The following ATP11A variants were observed in gnomAD, a reference collection of about 807,000 sequenced individuals.
ATP11A encodes the protein phospholipid-transporting ATPase IH.
Under a neutral mutation model 154.4 loss-of-function variants are expected in ATP11A, and 81 were observed. The ratio of observed to expected loss-of-function variants is 0.52; its 90% CI spans 0.44 to 0.63. The LOEUF is 0.63. Ranked by LOEUF, ATP11A falls within the 30% of genes least tolerant of loss-of-function variation. The pLI, the probability that ATP11A is intolerant of heterozygous loss-of-function variation, is 0.00. For synonymous variants in ATP11A, 623 were observed against 585.9 expected (o/e 1.06, Z -0.91); for missense variants, 1,316 against 1,474.3 (o/e 0.89, Z 1.76).
intron 8 of ATP11A, among the ~76,000 whole-genome samples, chr13:112,820,570 C>T (rs1043156512): frequency 6.6e-6 from 1 of 152,200 alleles, no homozygotes; most frequent in Non-Finnish European, 1.5e-5. Context: ...TCTATGGCCC[C>T]GAGGCAGCCT....
chr13:112,844,703 G>A (rs1315078674), intron 17 of ATP11A, among the ~76,000 whole-genome samples: 2 of 148,674 alleles, frequency 1.3e-5, no homozygotes, highest in South Asian at 2.1e-4. Context: ...GAGCACTAGC[G>A]GTACTAGTTC....
At chr13:112,703,117 A>G (rs555531127) in intron 1 of ATP11A, among the ~76,000 whole-genome samples, 75 of 152,248 alleles carry the variant, frequency 4.9e-4, no homozygotes, top group Non-Finnish European at 9.3e-4. Flanking sequence ...GCTGTTACAG[A>G]ATACTGCAGG....
intron 1 of ATP11A, among the ~76,000 whole-genome samples, chr13:112,694,053 C>T (rs1033915125): frequency 1.3e-5 from 2 of 152,158 alleles, no homozygotes; most frequent in Admixed American, 6.5e-5. Context: ...GTTTAAGTTC[C>T]GAGAGGAACC....
chr13:112,881,893 C>CA lies in ATP11A; in HGVS notation c.*28dup. 1.5e-6 allele frequency: 2 copies of CA among 1,367,808 alleles called. No individual in the cohort carries two copies. The highest frequency in any genetic ancestry group is 2.3e-5 in the South Asian group (2 of 88,052). 84.7% of individuals were successfully genotyped at this position (1,367,808 alleles called of 1,614,324 possible). A position where few individuals can be genotyped will look rare whatever the true frequency, so the allele number is the denominator to read the frequency against. On this transcript the variant is annotated 3_prime_UTR_variant, in exon 30 of 30. Coordinates refer to ENST00000375645, the MANE Select transcript of ATP11A (RefSeq NM_015205.3). ...CTCTGCAGAGCCCAGGCTACCAGAGCACCTGTCCCTCGGCCGCCTGGTACA... is the reference window on the plus strand; with the variant it reads ...CTCTGCAGAGCCCAGGCTACCAGAGCAACCTGTCCCTCGGCCGCCTGGTACA...
chr13:112,836,834 T>G (rs2117190), intron 16 of ATP11A, among the ~76,000 whole-genome samples: 55,867 of 152,056 alleles, frequency 0.37, 11,650 homozygotes, highest in African/African-American at 0.56. Context: ...ACCCACACGG[T>G]TGGGCACTCT....
At position 112,838,634 on chromosome 13, in the gene ATP11A, A is replaced by C. The variant is rs531010219; in HGVS notation, c.1705+2383A>C. On this transcript the variant is annotated intron_variant, in intron 16 of 29. Coordinates refer to ENST00000375645, the MANE Select transcript of ATP11A (RefSeq NM_015205.3). This position sits in a 1 kb window ranked among gnomAD's most constrained non-coding sequence, Gnocchi z 7.3. The stretch of plus-strand genomic sequence containing the variant: ...ATCTTTGTAAATAACTTCTGTTACT[A>C]TCAAAAGGCTGAAGAGCCGCTGGAT... Among the ~76,000 whole-genome samples the C allele has an allele frequency of 8.2e-4, 125 of 152,332 alleles. 1 individual carries two copies. Among genetic ancestry groups the C allele is most frequent in the African/African-American group, 2.6e-3 (110 of 41,574 alleles).
intron 1 of ATP11A, among the ~76,000 whole-genome samples, chr13:112,695,211 C>T (rs1031042990): frequency 6.6e-6 from 1 of 152,192 alleles, no homozygotes; most frequent in Non-Finnish European, 1.5e-5. Context: ...CTTTAGCTGC[C>T]AAGGTCTTCA....
chr13:112,855,212 G>C (rs748711345), intron 19 of ATP11A, among the ~76,000 whole-genome samples: 7 of 152,070 alleles, frequency 4.6e-5, no homozygotes, highest in Non-Finnish European at 1.0e-4. Context: ...GTTGTTTTTT[G>C]TTTTTTGTTT....
Position 112,834,580 on chromosome 13 carries a change from T to C in ATP11A, c.1560-9T>C. On this transcript the variant is annotated splice_polypyrimidine_tract_variant and intron_variant, in intron 14 of 29. Transcript: ENST00000375645. ...CAGATTCACCCCGAGGTTTCCCTTCTCATTGCAGACTTGGCTTTACCTACC... is the reference window on the plus strand; with the variant it reads ...CAGATTCACCCCGAGGTTTCCCTTCCCATTGCAGACTTGGCTTTACCTACC... The C allele has an allele frequency of 6.2e-7, 1 of 1,606,228 alleles. No homozygotes were observed. Among genetic ancestry groups the C allele is most frequent in the Non-Finnish European group, 8.5e-7 (1 of 1,172,884 alleles).
Position 112,785,777 on chromosome 13 carries a change from G to A in ATP11A, c.162+520G>A, listed in dbSNP as rs969817938. Among the ~76,000 whole-genome samples the A allele has an allele frequency of 6.6e-5, 10 of 152,206 alleles. No individual in the cohort carries two copies. The highest frequency in any genetic ancestry group is 2.2e-4 in the African/African-American group (9 of 41,460). The stretch of plus-strand genomic sequence containing the variant: ...CAGAGTGCCGCGGTCTAAACGAAGC[G>A]TGTTTCTCTCCATGGACTAGAGCGT... On this transcript the variant is annotated intron_variant, in intron 2 of 29. Transcript: ENST00000375645. This position sits in a 1 kb window ranked among gnomAD's most constrained non-coding sequence, Gnocchi z 4.8.
chr13:112,774,748 CAG>C (rs2077305686), intron 1 of ATP11A, among the ~76,000 whole-genome samples: 1 of 152,252 alleles, frequency 6.6e-6, no homozygotes, highest in Non-Finnish European at 1.5e-5. Context: ...GTCACAGTCT[CAG>C]AGTGTGAGAG....
chr13:112,870,987 C>G (rs1304978192), intron 25 of ATP11A, among the ~76,000 whole-genome samples: 1 of 152,236 alleles, frequency 6.6e-6, no homozygotes, highest in East Asian at 1.9e-4. Context: ...CTTCCCTCCT[C>G]CACGGCCACC....
chr13:112,864,259 T>A (rs1490098072), intron 25 of ATP11A, among the ~76,000 whole-genome samples: 1 of 105,000 alleles, frequency 9.5e-6, no homozygotes, highest in African/African-American at 3.6e-5. Flanking sequence ...CCCAGCGGGG[T>A]CCATCACCAC....
intron 4 of ATP11A, among the ~76,000 whole-genome samples, chr13:112,806,969 A>G (rs1371953177): frequency 1.3e-5 from 2 of 152,226 alleles, no homozygotes; most frequent in Non-Finnish European, 2.9e-5. Context: ...TCAGCGCTTC[A>G]TTCCGTCTGA....
intron 1 of ATP11A, among the ~76,000 whole-genome samples, chr13:112,767,559 T>C (rs1232530596): frequency 2.6e-5 from 4 of 151,522 alleles, no homozygotes; most frequent in East Asian, 1.9e-4. Flanking sequence ...GGGGTGCTGT[T>C]GGGAGCCTGG....
intron 29 of ATP11A, among the ~76,000 whole-genome samples, chr13:112,879,768 C>T (rs759642421): frequency 3.9e-5 from 6 of 152,266 alleles, no homozygotes; most frequent in Middle Eastern, 3.2e-3. Flanking sequence ...GAGGAATAAA[C>T]GTGTCACTAG....
chr13:112,803,272 G>T (rs1288581160), intron 2 of ATP11A, among the ~76,000 whole-genome samples: 1 of 152,198 alleles, frequency 6.6e-6, no homozygotes, highest in East Asian at 1.9e-4. Context: ...GAACATGTTG[G>T]TTAGTTTAGG....
At position 112,819,478 on chromosome 13, in the gene ATP11A, C is replaced by G. The variant is rs1345619606; in HGVS notation, c.674+71C>G. ...CAACATTGCTCTTGCTTTTTCACCC[C>G]AAGTAGTCCAGCCATGTGGTGGTTT... On this transcript the variant is annotated intron_variant, in intron 7 of 29. Transcript: ENST00000375645. The G allele has an allele frequency of 1.4e-5, 19 of 1,314,764 alleles. No homozygotes were observed. In the East Asian group the frequency reaches 4.0e-4, roughly 28 times the overall value. 81.4% of individuals were successfully genotyped at this position (1,314,764 alleles called of 1,614,324 possible). A position where few individuals can be genotyped will look rare whatever the true frequency, so the allele number is the denominator to read the frequency against.
rs572937358 is a variant in ATP11A, at chr13:112,831,697, G to A, written c.1395+149G>A. 156 of 902,492 alleles carry A rather than the reference G, an allele frequency of 1.7e-4. No individual in the cohort carries two copies. In the African/African-American group the frequency reaches 2.0e-3, roughly 12 times the overall value. 55.9% of individuals were successfully genotyped at this position (902,492 alleles called of 1,614,324 possible). Reference sequence around the variant, plus strand: ...GGGATGGTCAGAAGGTGCGATGTGTGTGGTGTCCCGTTAGGACACATCTGC... The same window carrying A: ...GGGATGGTCAGAAGGTGCGATGTGTATGGTGTCCCGTTAGGACACATCTGC... On this transcript the variant is annotated intron_variant, in intron 13 of 29. Transcript: ENST00000375645.
Sources: allele counts gnomAD v4.1 joint callset (sites outside exome capture counted in the v4.1 genomes callset), GRCh38; gene constraint gnomAD v4.1.1; non-coding constraint Gnocchi (gnomAD v3.1); transcripts MANE v1.5; gene names NCBI Gene and HGNC (gene_info 2026-07-23, HGNC 2026-07-21).